The following EML6 variants were observed in gnomAD, a reference collection of about 807,000 sequenced individuals.
EML6 encodes echinoderm microtubule-associated protein-like 6.
In EML6, 154 loss-of-function variants were observed where a neutral mutation model predicts 240.1. The observed-to-expected ratio is 0.64, with a 90% CI of 0.56 to 0.73. The LOEUF is 0.73. EML6 is among the 30% of genes least tolerant of loss of function. EML6 has a pLI of 0.00. For synonymous variants in EML6, 1,148 were observed against 899.0 expected (o/e 1.28, Z -4.95); for missense variants, 2,964 against 2,474.6 (o/e 1.20, Z -4.20).
chr2:54,756,212 C>G (rs1572861484), intron 2 of EML6, among the ~76,000 whole-genome samples: 1 of 152,120 alleles, frequency 6.6e-6, no homozygotes, highest in East Asian at 1.9e-4. Flanking sequence ...TTAGGGCTTA[C>G]TTTAATGTTC....
chr2:54,839,966 C>T (rs1402728494), intron 7 of EML6, among the ~76,000 whole-genome samples: 1 of 152,012 alleles, frequency 6.6e-6, no homozygotes, highest in Non-Finnish European at 1.5e-5. Context: ...AATCTTTTTT[C>T]CTTGCTGAAT....
chr2:54,824,150 C>T (rs1365166588), intron 5 of EML6, among the ~76,000 whole-genome samples: 2 of 152,106 alleles, frequency 1.3e-5, no homozygotes, highest in African/African-American at 4.8e-5. Flanking sequence ...TAGAATTCTC[C>T]TGATTCCTTC....
intron 2 of EML6, among the ~76,000 whole-genome samples, chr2:54,749,751 A>G (rs1272765808): frequency 6.6e-6 from 1 of 152,196 alleles, no homozygotes; most frequent in Non-Finnish European, 1.5e-5. Context: ...AGTAGCTGTC[A>G]AACAGGAGTT....
chr2:54,763,462 A>G (rs915201170), intron 2 of EML6, among the ~76,000 whole-genome samples: 1 of 152,256 alleles, frequency 6.6e-6, no homozygotes, highest in Admixed American at 6.5e-5. Context: ...TCCAGACTAT[A>G]CAAAATAAGA....
intron 41 of EML6, among the ~76,000 whole-genome samples, 163 bp from the exon 42 acceptor site, chr2:54,969,908 G>C (rs568594249): frequency 6.6e-6 from 1 of 152,174 alleles, no homozygotes; most frequent in African/African-American, 2.4e-5. Flanking sequence ...AAAAGCAATA[G>C]ATCTTAATTT....
chr2:54,882,871 A>AAAAAAAAAAAGAAAAG (rs962733331), intron 17 of EML6: 2 of 128,832 alleles, frequency 1.6e-5, no homozygotes, highest in African/African-American at 5.9e-5. Context: ...AAAAAAAAAA[A>AAAAAAAAAAAGAAAAG]AAAGAAAGCT....
Position 54,797,164 on chromosome 2 carries a change from CAAAA to C in EML6, c.198-16046_198-16043del, listed in dbSNP as rs773498648. Among the ~76,000 whole-genome samples the C allele has an allele frequency of 1.6e-3, 71 of 43,816 alleles. 1 individual carries two copies. Among genetic ancestry groups the C allele is most frequent in the African/African-American group, 5.3e-3 (55 of 10,286 alleles). 28.7% of individuals were successfully genotyped at this position (43,816 alleles called of 152,430 possible). On this transcript the variant is annotated intron_variant, in intron 2 of 41. Coordinates refer to ENST00000356458, the MANE Select transcript of EML6 (RefSeq NM_001039753.4). Reference sequence around the variant, plus strand: ...TGGGTGACAGAGCAAGACTCCATCTCAAAAAAAAAAAAAAAAAAAAAAAAACTGT... The same window carrying C: ...TGGGTGACAGAGCAAGACTCCATCTCAAAAAAAAAAAAAAAAAAAAACTGT...
intron 28 of EML6, 68 bp from the exon 29 acceptor site, chr2:54,948,814 C>A: frequency 7.8e-7 from 1 of 1,279,080 alleles, no homozygotes; most frequent in Non-Finnish European, 1.1e-6. Context: ...CTAGACAGGC[C>A]ACACCGGGAA....
chr2:54,797,186 A>AAAAAAAAAAAAAG (rs1558557089), intron 2 of EML6, among the ~76,000 whole-genome samples: 1 of 149,296 alleles, frequency 6.7e-6, no homozygotes, highest in East Asian at 2.0e-4. Context: ...AAAAAAAAAA[A>AAAAAAAAAAAAAG]AAACTGTGAT....
intron 16 of EML6, among the ~76,000 whole-genome samples, chr2:54,874,563 A>G (rs1671409615): frequency 6.6e-6 from 1 of 152,246 alleles, no homozygotes; most frequent in African/African-American, 2.4e-5. Context: ...CTTACAGGTT[A>G]AGTAGTATGT....
intron 26 of EML6, among the ~76,000 whole-genome samples, chr2:54,924,124 A>G (rs1299913040): frequency 6.6e-6 from 1 of 152,198 alleles, no homozygotes; most frequent in East Asian, 1.9e-4. Flanking sequence ...TCTCTTAGGT[A>G]AATATATAGG....
intron 2 of EML6, among the ~76,000 whole-genome samples, chr2:54,797,172 A>AACAACAAC (rs1553380362): frequency 1.4e-5 from 2 of 140,948 alleles, no homozygotes; most frequent in African/African-American, 5.1e-5. Flanking sequence ...CTCAAAAAAA[A>AACAACAAC]AAAAAAAAAA....
At chr2:54,920,276 G>A (rs776602754) in intron 26 of EML6, among the ~76,000 whole-genome samples, 11 of 152,032 alleles carry the variant, frequency 7.2e-5, no homozygotes, top group Non-Finnish European at 1.3e-4. Context: ...CCAACCTTTA[G>A]CTAGACTAGC....
chr2:54,852,281 C>G (rs1486293423), intron 10 of EML6, among the ~76,000 whole-genome samples: 1 of 152,156 alleles, frequency 6.6e-6, no homozygotes, highest in East Asian at 1.9e-4. Context: ...TTGTGTGATG[C>G]TAAAATAAAT....
At chr2:54,857,446 C>G (rs10496033) in intron 11 of EML6, among the ~76,000 whole-genome samples, 5 of 151,896 alleles carry the variant, frequency 3.3e-5, no homozygotes, top group African/African-American at 7.3e-5. Context: ...AAGAAGTGTT[C>G]GTTAAATGCT....
chr2:54,848,885 A>T (rs1669918669), intron 9 of EML6, among the ~76,000 whole-genome samples: 1 of 152,354 alleles, frequency 6.6e-6, no homozygotes, highest in East Asian at 1.9e-4. Flanking sequence ...ACAATTTAAC[A>T]TTTAAAAAGG....
At chr2:54,792,941 C>T (rs192876064) in intron 2 of EML6, among the ~76,000 whole-genome samples, 23 of 152,242 alleles carry the variant, frequency 1.5e-4, no homozygotes, top group Admixed American at 4.6e-4. Flanking sequence ...AAAGTTATAG[C>T]ATCTGAGCTT....
At chr2:54,923,863 A>G (rs1485180184) in intron 26 of EML6, among the ~76,000 whole-genome samples, 1 of 152,168 alleles carries the variant, frequency 6.6e-6, no homozygotes, top group Non-Finnish European at 1.5e-5. Flanking sequence ...TTACCTGTTT[A>G]AGAATTTCAT....
chr2:54,848,706 AG>A (rs1669909272), intron 9 of EML6, among the ~76,000 whole-genome samples: 1 of 152,326 alleles, frequency 6.6e-6, no homozygotes, highest in South Asian at 2.1e-4. Flanking sequence ...TTACTGGCTC[AG>A]GGGACCTGCT....
Sources: gnomAD v4.1 joint callset for allele counts (sites outside exome capture counted in the v4.1 genomes callset) on GRCh38, gnomAD v4.1.1 for gene constraint, MANE v1.5 for transcripts, NCBI Gene and HGNC (gene_info 2026-07-23, HGNC 2026-07-21) for gene names.